Variants in FRAS1 observed in about 807,000 individuals in gnomAD.
The protein encoded by FRAS1 is Fraser extracellular matrix complex subunit 1, also known as extracellular matrix organizing protein FRAS1.
In FRAS1, 290 loss-of-function variants were observed where a neutral mutation model predicts 435.2. The observed-to-expected ratio is 0.67, with a 90% CI of 0.61 to 0.73. FRAS1 has a LOEUF of 0.73. Among genes scored for constraint, FRAS1 ranks in the 30% least tolerant of loss-of-function variants. The probability of loss-of-function intolerance (pLI) is 0.00; values close to 1 mark genes in which losing one functional copy is unlikely to be tolerated. For missense variants in FRAS1, 4,860 were observed against 5,001.5 expected, an observed-to-expected ratio of 0.97 and a Z score of 0.85; for synonymous variants, 1,800 against 1,851.0, an observed-to-expected ratio of 0.97 and a Z score of 0.71.
chr4:78,479,726 A>C lies in FRAS1; in HGVS notation c.8443+8A>C. On this transcript the variant is annotated splice_region_variant and intron_variant, in intron 56 of 73. Coordinates refer to ENST00000512123, the MANE Select transcript of FRAS1 (RefSeq NM_025074.7). ...CTGTCAGTGAGGACGCAGGTAATGG[A>C]GAGTGTCTCTGAGTTTCCTTCACCT... 2 of 1,554,502 alleles carry C rather than the reference A, an allele frequency of 1.3e-6. No homozygotes were observed. Among genetic ancestry groups the C allele is most frequent in the East Asian group, 2.3e-5 (1 of 44,096 alleles).
chr4:78,291,486 C>T (rs1355638606), intron 14 of FRAS1, among the ~76,000 whole-genome samples: 2 of 152,126 alleles, frequency 1.3e-5, no homozygotes, highest in Non-Finnish European at 2.9e-5. Flanking sequence ...TCTAACAGGC[C>T]ACACACTGAA....
Position 78,286,438 on chromosome 4 carries a change from G to A in FRAS1, c.1433G>A (p.Gly478Glu), listed in dbSNP as rs1225896573. 1 of 1,613,484 alleles carries A rather than the reference G, an allele frequency of 6.2e-7. No individual in the cohort carries two copies. Among genetic ancestry groups the A allele is most frequent in the African/African-American group, 1.3e-5 (1 of 74,934 alleles). ...CCCCAGTGCTCCACGTGTACCAGTGGGCTGGAGTGCTCATCCTGCCAGCCT... is the reference window on the plus strand; with the variant it reads ...CCCCAGTGCTCCACGTGTACCAGTGAGCTGGAGTGCTCATCCTGCCAGCCT... ...CQPQCSTCTS[G>E]LECSSCQPPL... is the part of the protein sequence containing the mutation. Residue 478 changes from glycine to glutamate, a missense_variant, in exon 14 of 74, where the codon GGG (glycine) becomes GAG (glutamate). Physicochemically the swap from Gly to Glu is moderately conservative, Grantham distance 98. Coordinates refer to ENST00000512123, the MANE Select transcript of FRAS1 (RefSeq NM_025074.7).
chr4:78,317,463 C>A lies in FRAS1; in HGVS notation c.1915C>A (p.Pro639Thr), dbSNP rs770635786. Residue 639 changes from proline (P) to threonine (T), a missense_variant, in exon 17 of 74, where the codon CCC becomes ACC. Coordinates refer to ENST00000512123, the MANE Select transcript of FRAS1 (RefSeq NM_025074.7). ...PKALRQGHCL[P>T]RCGEGFYSDH... is the part of the protein sequence containing the mutation. Reference sequence around the variant, plus strand: ...GGCTCTGCGTCAAGGCCACTGTCTGCCCCGCTGTGGAGAGGGTTTCTACTC... The same window carrying A: ...GGCTCTGCGTCAAGGCCACTGTCTGACCCGCTGTGGAGAGGGTTTCTACTC... The A allele has an allele frequency of 6.2e-7, 1 of 1,613,818 alleles. No individual in the cohort carries two copies. The highest frequency in any genetic ancestry group is 1.1e-5 in the South Asian group (1 of 91,068).
intron 29 of FRAS1, among the ~76,000 whole-genome samples, chr4:78,397,555 G>C (rs184576128): frequency 6.6e-6 from 1 of 152,228 alleles, no homozygotes; most frequent in East Asian, 1.9e-4. Flanking sequence ...TGGGGTACTT[G>C]TTAGCTAGTG....
chr4:78,219,954 A>G (rs560028534), intron 2 of FRAS1, among the ~76,000 whole-genome samples: 1 of 152,190 alleles, frequency 6.6e-6, no homozygotes, highest in Non-Finnish European at 1.5e-5. Context: ...AGAGGAGATG[A>G]CAGTCTTGCT....
At chr4:78,186,031 G>T (rs975132213) in intron 2 of FRAS1, among the ~76,000 whole-genome samples, 1 of 152,158 alleles carries the variant, frequency 6.6e-6, no homozygotes, top group Non-Finnish European at 1.5e-5. Flanking sequence ...CAGTTGTCAT[G>T]GGAAAAGTGC....
At chr4:78,389,062 C>G (rs1318998293) in intron 29 of FRAS1, among the ~76,000 whole-genome samples, 1 of 152,162 alleles carries the variant, frequency 6.6e-6, no homozygotes, top group African/African-American at 2.4e-5. Context: ...CCATATGCTA[C>G]TGAAAATGTT....
chr4:78,292,282 T>C (rs1364533771), intron 14 of FRAS1, among the ~76,000 whole-genome samples: 1 of 152,164 alleles, frequency 6.6e-6, no homozygotes, highest in Non-Finnish European at 1.5e-5. Context: ...CAAATTAAAA[T>C]CCCTTTTTCT....
chr4:78,427,292 C>T (rs1734036029), intron 35 of FRAS1, among the ~76,000 whole-genome samples: 1 of 152,066 alleles, frequency 6.6e-6, no homozygotes, highest in African/African-American at 2.4e-5. Context: ...CACAGAGTCC[C>T]CAACACCAGG....
rs766342138 is a variant in FRAS1, at chr4:78,481,917, G to T, written c.8557G>T (p.Val2853Phe). 1.2e-6 allele frequency: 2 copies of T among 1,613,864 alleles called. No individual in the cohort carries two copies. Among genetic ancestry groups the T allele is most frequent in the Admixed American group, 3.3e-5 (2 of 60,010 alleles). Residue 2853 changes from valine to phenylalanine, a missense_variant, in exon 57 of 74, where the codon GTT (valine) becomes TTT (phenylalanine). Physicochemically the swap from Val to Phe is conservative, Grantham distance 50. Transcript: ENST00000512123. ...PASATPGVDY[V>F]PSSRKVEFGP... ...TTCTGCCACACCAGGAGTTGACTAC[G>T]TTCCCAGCTCTCGGAAGGTGGAATT... is the stretch of plus-strand genomic sequence containing the variant.
intron 18 of FRAS1, among the ~76,000 whole-genome samples, chr4:78,331,028 C>T (rs559806460): frequency 6.6e-6 from 1 of 152,192 alleles, no homozygotes; most frequent in Non-Finnish European, 1.5e-5. Context: ...TAAAATTTCT[C>T]TCTTTTGTAC....
At chr4:78,465,777 T>C (rs894730727) in intron 49 of FRAS1, among the ~76,000 whole-genome samples, 1 of 152,236 alleles carries the variant, frequency 6.6e-6, no homozygotes, top group African/African-American at 2.4e-5. Flanking sequence ...ATTTTATGCC[T>C]CTTTTTCTTT....
In FRAS1 at chr4:78,508,862, G is replaced by A. The variant is rs766775645; in HGVS notation, c.9636G>A (p.Met3212Ile). The change falls in exon 63 of 74, where the codon ATG becomes ATA. Residue 3212 changes from methionine (M) to isoleucine (I), a missense_variant. By Grantham distance (10) the Met-to-Ile change is conservative. Coordinates refer to ENST00000512123, the MANE Select transcript of FRAS1 (RefSeq NM_025074.7). ...CDPHFPRYAVMKERCSEAGIN... is the reference protein window; with the variant it reads ...CDPHFPRYAVIKERCSEAGIN... ...CTCATTTCCCCAGATACGCTGTCAT[G>A]AAGGAGCGCTGCAGTGAGGCCGGCA... 1.3e-5 allele frequency: 21 copies of A among 1,613,904 alleles called. No individual in the cohort carries two copies. Among genetic ancestry groups the A allele is most frequent in the Non-Finnish European group, 1.8e-5 (21 of 1,179,860 alleles).
chr4:78,375,594 G>T (rs781601038), intron 25 of FRAS1, 145 bp from the exon 26 acceptor site: 26 of 643,640 alleles, frequency 4.0e-5, no homozygotes, highest in Middle Eastern at 4.2e-4. Flanking sequence ...TATATATTCT[G>T]TAGGGAAACT....
chr4:78,420,899 T>TAC (rs1246778483), intron 33 of FRAS1, among the ~76,000 whole-genome samples: 6 of 51,268 alleles, frequency 1.2e-4, no homozygotes, highest in Admixed American at 1.0e-3. Context: ...TATATATATA[T>TAC]ATATATATAT....
At chr4:78,433,533 G>A (rs1204097002) in intron 38 of FRAS1, among the ~76,000 whole-genome samples, 4 of 152,108 alleles carry the variant, frequency 2.6e-5, no homozygotes, top group Admixed American at 1.3e-4. Flanking sequence ...CTGAATAGCA[G>A]CATGTAAGAT....
At chr4:78,309,946 A>G (rs899934609) in intron 15 of FRAS1, among the ~76,000 whole-genome samples, 8 of 152,182 alleles carry the variant, frequency 5.3e-5, no homozygotes, top group Non-Finnish European at 1.5e-5. Flanking sequence ...TTCACTGAGC[A>G]GGGCAACAGC....
At chr4:78,502,186 G>C (rs993182705) in intron 61 of FRAS1, among the ~76,000 whole-genome samples, 1 of 152,170 alleles carries the variant, frequency 6.6e-6, no homozygotes, top group Non-Finnish European at 1.5e-5. Flanking sequence ...GCTTAGGACT[G>C]TCTTGGCAAT....
At chr4:78,432,203 G>C (rs777737330) in intron 37 of FRAS1, among the ~76,000 whole-genome samples, 154 bp from the exon 38 acceptor site, 1 of 152,188 alleles carries the variant, frequency 6.6e-6, no homozygotes, top group Non-Finnish European at 1.5e-5. Context: ...GTGGTGTAAA[G>C]GGAATCCTAT....
Sources: allele counts gnomAD v4.1 joint callset (sites outside exome capture counted in the v4.1 genomes callset), GRCh38; gene constraint gnomAD v4.1.1; transcripts MANE v1.5; gene names NCBI Gene and HGNC (gene_info 2026-07-23, HGNC 2026-07-21).